GRIK4: variants seen among roughly 807,000 people sequenced by gnomAD.
The protein encoded by GRIK4 is glutamate ionotropic receptor kainate type subunit 4, also known as glutamate receptor ionotropic, kainate 4.
Under a neutral mutation model 104.9 loss-of-function variants are expected in GRIK4, and 40 were observed. The ratio of observed to expected loss-of-function variants is 0.38; its 90% CI spans 0.30 to 0.50. GRIK4 has a LOEUF of 0.50. Ranked by LOEUF, GRIK4 falls within the 20% of genes least tolerant of loss-of-function variation. The probability of loss-of-function intolerance (pLI) is 0.93; values close to 1 mark genes in which losing one functional copy is unlikely to be tolerated. For synonymous variants in GRIK4, 485 were observed against 524.9 expected (o/e 0.92, Z 1.04); for missense variants, 1,047 against 1,308.1 (o/e 0.80, Z 3.08).
rs1942752412 is a variant in GRIK4 at position 120,902,106 on chromosome 11, C to G, written c.1273-3184C>G. Among the ~76,000 whole-genome samples the G allele has an allele frequency of 2.0e-5, 3 of 152,176 alleles. No homozygotes were observed. Among genetic ancestry groups the G allele is most frequent in the Admixed American group, 2.0e-4 (3 of 15,278 alleles). On this transcript the variant is annotated intron_variant, in intron 12 of 20. Transcript: ENST00000527524. This position sits in a 1 kb window ranked among gnomAD's most constrained non-coding sequence, Gnocchi z 4.5. ...AATGGTAATCCCGAATGATTTATCCCTTAAAACTCAGCACACATTCATGTT... is the reference window on the plus strand; with the variant it reads ...AATGGTAATCCCGAATGATTTATCCGTTAAAACTCAGCACACATTCATGTT...
intron 3 of GRIK4, among the ~76,000 whole-genome samples, chr11:120,747,896 A>T (rs1324650610): frequency 2.3e-4 from 35 of 152,204 alleles, no homozygotes; most frequent in Admixed American, 2.3e-3. Flanking sequence ...CACCCTCTCC[A>T]AGTGTGCTCT....
intron 3 of GRIK4, among the ~76,000 whole-genome samples, chr11:120,696,989 C>T (rs900366825): frequency 3.9e-5 from 6 of 152,202 alleles, no homozygotes; most frequent in African/African-American, 1.2e-4. Context: ...TCAGTGTCCT[C>T]GTTGCCACAC....
At chr11:120,976,170 T>G (rs1184156029) in intron 19 of GRIK4, among the ~76,000 whole-genome samples, 1 of 152,194 alleles carries the variant, frequency 6.6e-6, no homozygotes, top group Non-Finnish European at 1.5e-5. Flanking sequence ...TTAACGATAA[T>G]TGAATGAGAT....
intron 11 of GRIK4, among the ~76,000 whole-genome samples, chr11:120,878,837 G>A (rs902992997): frequency 2.0e-5 from 3 of 152,174 alleles, no homozygotes; most frequent in Non-Finnish European, 1.5e-5. Flanking sequence ...TTTAGGGAGT[G>A]ATAATTAATT....
At chr11:120,637,896 T>C (rs1265484054) in intron 1 of GRIK4, among the ~76,000 whole-genome samples, 1 of 152,092 alleles carries the variant, frequency 6.6e-6, no homozygotes, top group African/African-American at 2.4e-5. Flanking sequence ...ATTATTATTA[T>C]TGAGAGGGAG....
At chr11:120,756,369 C>T (rs889072082) in intron 3 of GRIK4, among the ~76,000 whole-genome samples, 1 of 152,186 alleles carries the variant, frequency 6.6e-6, no homozygotes, top group African/African-American at 2.4e-5. Context: ...CCCTTAAGGC[C>T]TCTGTGGTGT....
intron 4 of GRIK4, among the ~76,000 whole-genome samples, chr11:120,812,684 A>G (rs890822856): frequency 6.6e-6 from 1 of 152,246 alleles, no homozygotes; most frequent in Non-Finnish European, 1.5e-5. Context: ...ACTCAAACCC[A>G]GACAGCCATG....
At chr11:120,830,604 C>T (rs1953399589) in intron 6 of GRIK4, among the ~76,000 whole-genome samples, 1 of 152,164 alleles carries the variant, frequency 6.6e-6, no homozygotes, top group African/African-American at 2.4e-5. Flanking sequence ...CCAACCTTTC[C>T]CTCGCCATCC....
intron 11 of GRIK4, among the ~76,000 whole-genome samples, chr11:120,887,268 C>A (rs768042219): frequency 6.6e-6 from 1 of 152,170 alleles, no homozygotes; most frequent in Non-Finnish European, 1.5e-5. Context: ...CACCTTCATG[C>A]CAGGGAAGCA....
intron 1 of GRIK4, among the ~76,000 whole-genome samples, chr11:120,589,393 G>T (rs1045281996): frequency 6.6e-6 from 1 of 152,118 alleles, no homozygotes; most frequent in African/African-American, 2.4e-5. Context: ...CCATCTAAAT[G>T]CCAAGGGCTT....
At chr11:120,831,162 C>T (rs1383870749) in intron 6 of GRIK4, among the ~76,000 whole-genome samples, 1 of 152,004 alleles carries the variant, frequency 6.6e-6, no homozygotes, top group African/African-American at 2.4e-5. Context: ...CATCATAATA[C>T]TTTGTCTTAA....
chr11:120,521,938 T>C (rs1947800699), intron 1 of GRIK4, among the ~76,000 whole-genome samples: 1 of 152,230 alleles, frequency 6.6e-6, no homozygotes, highest in South Asian at 2.1e-4. Context: ...CTGACATCAT[T>C]GAGCACTTAC....
chr11:120,517,512 C>T (rs1047300292), intron 1 of GRIK4, among the ~76,000 whole-genome samples: 1 of 148,916 alleles, frequency 6.7e-6, no homozygotes, highest in East Asian at 2.0e-4. Context: ...CCCTGACTTC[C>T]GCCTAAAGTT....
intron 16 of GRIK4, among the ~76,000 whole-genome samples, 196 bp downstream of exon 16, chr11:120,957,149 C>T (rs1944174076): frequency 6.6e-6 from 1 of 152,208 alleles, no homozygotes; most frequent in African/African-American, 2.4e-5. Flanking sequence ...ATCTGGTCCC[C>T]TTCCCCTTAC....
At chr11:120,811,492 A>G (rs1217231086) in intron 4 of GRIK4, among the ~76,000 whole-genome samples, 1 of 152,176 alleles carries the variant, frequency 6.6e-6, no homozygotes, top group African/African-American at 2.4e-5. Flanking sequence ...TAAAATGAGA[A>G]TGACAGTAAT....
chr11:120,930,014 C>T (rs1446532465), intron 13 of GRIK4, among the ~76,000 whole-genome samples: 1 of 127,594 alleles, frequency 7.8e-6, no homozygotes, highest in Non-Finnish European at 1.8e-5. Flanking sequence ...GGGGGGGGGT[C>T]CCCTCCTTAC....
intron 14 of GRIK4, among the ~76,000 whole-genome samples, chr11:120,944,264 G>T (rs1943802355): frequency 1.4e-5 from 2 of 144,408 alleles, no homozygotes; most frequent in Non-Finnish European, 1.5e-5. Flanking sequence ...AATGTCCATG[G>T]TCCTTTTCTA....
At chr11:120,592,914 G>A (rs183294662) in intron 1 of GRIK4, among the ~76,000 whole-genome samples, 35 of 152,280 alleles carry the variant, frequency 2.3e-4, no homozygotes, top group Admixed American at 1.2e-3. Flanking sequence ...TGGGTGTGGT[G>A]GTTCACACCT....
intron 3 of GRIK4, among the ~76,000 whole-genome samples, chr11:120,753,340 T>TGC (rs1555055681): frequency 2.4e-4 from 36 of 147,700 alleles, no homozygotes; most frequent in African/African-American, 3.7e-4. Flanking sequence ...TGTGTGTGTG[T>TGC]GTGCAGGGTG....
Sources: allele counts gnomAD v4.1 joint callset (sites outside exome capture counted in the v4.1 genomes callset), GRCh38; gene constraint gnomAD v4.1.1; non-coding constraint Gnocchi (gnomAD v3.1); transcripts MANE v1.5; gene names NCBI Gene and HGNC (gene_info 2026-07-23, HGNC 2026-07-21).